LIMS2: variants seen among roughly 807,000 people sequenced by gnomAD.
LIMS2 encodes LIM and senescent cell antigen-like-containing domain protein 2.
In LIMS2, 30 loss-of-function variants were observed where a neutral mutation model predicts 45.3. The ratio of observed to expected loss-of-function variants is 0.66; its 90% confidence interval spans 0.50 to 0.90. LIMS2 has a LOEUF of 0.90. Among genes scored for constraint, LIMS2 ranks in the 40% least tolerant of loss-of-function variants. The pLI is 0.00. For synonymous variants in LIMS2, 173 were observed against 188.0 expected, an observed-to-expected ratio of 0.92 and a Z score of 0.65; for missense variants, 485 against 468.7, an observed-to-expected ratio of 1.03 and a Z score of -0.32.
At chr2:127,643,659 G>A (rs1447068711) in intron 4 of LIMS2, 5 of 452,020 alleles carry the variant, frequency 1.1e-5, no homozygotes, top group Admixed American at 9.4e-5. Flanking sequence ...GATGCTACTC[G>A]CTGTGTTGGA....
rs762676145 is a variant in LIMS2, at chr2:127,654,500, A to G, written c.283T>C (p.Trp95Arg). 9 of 1,614,146 alleles carry G rather than the reference A, an allele frequency of 5.6e-6. No individual in the cohort carries two copies. Among genetic ancestry groups the G allele is most frequent in the Non-Finnish European group, 7.6e-6 (9 of 1,180,016 alleles). ...GRVIKAMNNN[W>R]HPGCFRCELC... is the part of the protein sequence containing the mutation. ...TCGCAGCGGAAGCAGCCCGGGTGCC[A>G]GTTGTTGTTCATGGCCTTGATGACG... is the stretch of plus-strand genomic sequence containing the variant. The change falls in exon 4 of 10, where the codon TGG becomes CGG. Residue 95 changes from tryptophan to arginine, a missense_variant. Transcript: ENST00000355119.
At chr2:127,649,046 AG>A (rs1683358508) in intron 4 of LIMS2, among the ~76,000 whole-genome samples, 1 of 56,684 alleles carries the variant, frequency 1.8e-5, no homozygotes, top group African/African-American at 5.5e-5. Flanking sequence ...AGAAAGAAAG[AG>A]AAAAGAAGAA....
At chr2:127,648,288 T>C in intron 4 of LIMS2, 2 of 675,230 alleles carry the variant, frequency 3.0e-6, no homozygotes, top group Non-Finnish European at 3.7e-6. Context: ...TCTTTTCAGG[T>C]AGGGGAACCT....
chr2:127,649,708 G>A (rs1196891605), intron 4 of LIMS2, among the ~76,000 whole-genome samples: 1 of 152,134 alleles, frequency 6.6e-6, no homozygotes, highest in Non-Finnish European at 1.5e-5. Flanking sequence ...TGAGGGTGGG[G>A]AGCACCCTAT....
chr2:127,671,200 G>A lies in LIMS2; in HGVS notation c.11+3814C>T, dbSNP rs1021385002. Among the ~76,000 whole-genome samples, 11 of 152,260 alleles carry A rather than the reference G, an allele frequency of 7.2e-5. No individual in the cohort carries two copies. Among genetic ancestry groups the A allele is most frequent in the Admixed American group, 6.5e-4 (10 of 15,294 alleles). On this transcript the variant is annotated intron_variant, in intron 1 of 9. Coordinates refer to ENST00000355119, the MANE Select transcript of LIMS2 (RefSeq NM_001161403.3). This position sits in a 1 kb window ranked among gnomAD's most constrained non-coding sequence, Gnocchi z 4.1. Reference sequence around the variant, plus strand: ...TAATCACAGCACTTTGGGAGGCCAAGGTGGGTGGATCAAGAGGTCAGAAGA... The same window carrying A: ...TAATCACAGCACTTTGGGAGGCCAAAGTGGGTGGATCAAGAGGTCAGAAGA...
intron 1 of LIMS2, chr2:127,674,019 G>A: frequency 2.3e-6 from 1 of 433,558 alleles, no homozygotes; most frequent in Non-Finnish European, 4.3e-6. Context: ...ACAAGTTACA[G>A]GCTATTTTTG....
chr2:127,671,160 G>A lies in LIMS2; in HGVS notation c.11+3854C>T, dbSNP rs1197780800. Among the ~76,000 whole-genome samples, 5 of 152,164 alleles carry A rather than the reference G, an allele frequency of 3.3e-5. No homozygotes were observed. The highest frequency in any genetic ancestry group is 6.5e-5 in the Admixed American group (1 of 15,288). On this transcript the variant is annotated intron_variant, in intron 1 of 9. Transcript: ENST00000355119. The surrounding 1 kb of genome is among the most constrained non-coding windows in gnomAD (Gnocchi z 4.1). ...TTAAGCCTGCATGCAGGCTGGGCAC[G>A]GTTGTTCACGCCTGTAATCACAGCA...
In LIMS2 at chr2:127,638,644, A is replaced by AGGT. The variant is rs1453103436; in HGVS notation, c.*634_*636dup. On this transcript the variant is annotated 3_prime_UTR_variant, in exon 10 of 10. Transcript: ENST00000355119. Reference sequence around the variant, plus strand: ...GGGGCGGAACCGAGGGCGGAGGCCAAGGTGGGATTCCAGGAAGGCCTTCCG... The same window carrying AGGT: ...GGGGCGGAACCGAGGGCGGAGGCCAAGGTGGTGGGATTCCAGGAAGGCCTTCCG... 2.0e-5 allele frequency: 3 copies of AGGT among 152,806 alleles called. No homozygotes were observed. The highest frequency in any genetic ancestry group is 1.3e-4 in the Admixed American group (2 of 15,302). 9.5% of individuals were successfully genotyped at this position (152,806 alleles called of 1,614,324 possible).
At chr2:127,673,643 C>T (rs149938279) in intron 1 of LIMS2, 2 of 1,547,438 alleles carry the variant, frequency 1.3e-6, no homozygotes, top group Non-Finnish European at 1.7e-6. Flanking sequence ...TCCTCGACAT[C>T]CCTCCTGTGC....
At chr2:127,656,704 C>T (rs575029868) in intron 2 of LIMS2, among the ~76,000 whole-genome samples, 57 of 152,278 alleles carry the variant, frequency 3.7e-4, no homozygotes, top group South Asian at 1.2e-3. Context: ...CGTGAGCCGC[C>T]GCGCCCGGCC....
At chr2:127,640,237 A>C in intron 8 of LIMS2, 33 bp downstream of exon 8, 5 of 1,612,548 alleles carry the variant, frequency 3.1e-6, no homozygotes, top group Non-Finnish European at 4.2e-6. Context: ...CCAGGAGAGC[A>C]GGTGGGGTGG....
Position 127,675,107 on chromosome 2 carries a change from C to T in LIMS2, c.-83G>A. 5.0e-6 allele frequency: 6 copies of T among 1,202,354 alleles called. No individual in the cohort carries two copies. The highest frequency in any genetic ancestry group is 4.2e-5 in the South Asian group (1 of 23,856). 74.5% of individuals were successfully genotyped at this position (1,202,354 alleles called of 1,614,324 possible). ...CTGCAGCCGCCAGCCGAGCGCCCGC[C>T]CGCCAGCCCGGGCCGCGGAGCAGGG... On this transcript the variant is annotated 5_prime_UTR_variant, in exon 1 of 10. Coordinates refer to ENST00000355119, the MANE Select transcript of LIMS2 (RefSeq NM_001161403.3).
upstream of LIMS2, among the ~76,000 whole-genome samples, chr2:127,678,463 C>T (rs552869130): frequency 6.6e-6 from 1 of 152,210 alleles, no homozygotes; most frequent in East Asian, 1.9e-4. This position sits in a 1 kb window ranked among gnomAD's most constrained non-coding sequence, Gnocchi z 5.3. Context: ...GCTGTGTGGC[C>T]ACTGTGTGAG....
intron 1 of LIMS2, among the ~76,000 whole-genome samples, chr2:127,666,776 C>T (rs1417840176): frequency 6.6e-6 from 1 of 152,162 alleles, no homozygotes; most frequent in African/African-American, 2.4e-5. Flanking sequence ...AATCAAGGCA[C>T]CTTCTTCACA....
chr2:127,644,505 C>T (rs985551691), intron 4 of LIMS2, among the ~76,000 whole-genome samples: 3 of 152,216 alleles, frequency 2.0e-5, no homozygotes, highest in Non-Finnish European at 4.4e-5. Context: ...TGAGCTGCCC[C>T]ACCTGGCGCC....
intron 4 of LIMS2, among the ~76,000 whole-genome samples, chr2:127,644,332 C>T (rs1219775295): frequency 6.6e-6 from 1 of 152,068 alleles, no homozygotes; most frequent in Non-Finnish European, 1.5e-5. Flanking sequence ...GCATCATCTC[C>T]CCTCGACTAC....
chr2:127,664,290 GC>G lies in LIMS2; in HGVS notation c.12-6729del, dbSNP rs1464410148. Reference sequence around the variant, plus strand: ...GGCCATTGTCCCCGCCACCCGCCCCGCCCCTGGCCACCTACCCCGTGGCTGG... The same window carrying G: ...GGCCATTGTCCCCGCCACCCGCCCCGCCCTGGCCACCTACCCCGTGGCTGG... On this transcript the variant is annotated intron_variant, in intron 1 of 9. Coordinates refer to ENST00000355119, the MANE Select transcript of LIMS2 (RefSeq NM_001161403.3). This position sits in a 1 kb window ranked among gnomAD's most constrained non-coding sequence, Gnocchi z 5.5. 8.1e-7 allele frequency: 1 copy of G among 1,234,574 alleles called. No individual in the cohort carries two copies. The highest frequency in any genetic ancestry group is 3.6e-5 in the South Asian group (1 of 27,574). The allele number at this position is 1,234,574 out of a possible 1,614,324, so 76.5% of individuals were successfully genotyped here. A position where few individuals can be genotyped will look rare whatever the true frequency, so the allele number is the denominator to read the frequency against.
chr2:127,640,498 G>C (rs757075191), intron 7 of LIMS2, 180 bp from the exon 8 acceptor site: 5 of 664,098 alleles, frequency 7.5e-6, no homozygotes, highest in Admixed American at 2.5e-5. Flanking sequence ...CCACCCTTCC[G>C]GGAAGGACAA....
Position 127,662,133 on chromosome 2 carries a change from G to A in LIMS2, c.12-4571C>T, listed in dbSNP as rs377383076. Among the ~76,000 whole-genome samples, 7 of 152,294 alleles carry A rather than the reference G, an allele frequency of 4.6e-5. No homozygotes were observed. The East Asian group carries it at 1.4e-3, about 29-fold the overall frequency. Reference sequence around the variant, plus strand: ...CCCCTATAGCCAGGCACACCAGGCTGCAACCCTGGCCCCGACGCCCCCTGT... The same window carrying A: ...CCCCTATAGCCAGGCACACCAGGCTACAACCCTGGCCCCGACGCCCCCTGT... On this transcript the variant is annotated intron_variant, in intron 1 of 9. Transcript: ENST00000355119.
Sources: gnomAD v4.1 joint callset for allele counts (sites outside exome capture counted in the v4.1 genomes callset) on GRCh38, gnomAD v4.1.1 for gene constraint, Gnocchi (gnomAD v3.1) non-coding constraint, MANE v1.5 for transcripts, NCBI Gene and HGNC (gene_info 2026-07-23, HGNC 2026-07-21) for gene names.